Variants in UBOX5 observed in about 807,000 individuals in gnomAD.
UBOX5 encodes U-box domain containing 5.
Under a neutral mutation model 39.0 loss-of-function variants are expected in UBOX5, and 28 were observed. The observed-to-expected ratio is 0.72, with a 90% CI of 0.53 to 0.98. The LOEUF (loss-of-function observed/expected upper bound fraction) is 0.98. UBOX5 is among the 50% of genes least tolerant of loss of function. UBOX5 has a pLI of 0.00. For synonymous variants in UBOX5, 283 were observed against 275.5 expected, an observed-to-expected ratio of 1.03 and a Z score of -0.27; for missense variants, 585 against 674.4, an observed-to-expected ratio of 0.87 and a Z score of 1.47.
In UBOX5 at chr20:3,108,480, A is replaced by C. The variant is rs750061520; in HGVS notation, c.*1626T>G. 2.6e-5 allele frequency: 4 copies of C among 152,424 alleles called. No individual in the cohort carries two copies. The highest frequency in any genetic ancestry group is 9.6e-5 in the African/African-American group (4 of 41,482). The allele number at this position is 152,424 out of a possible 1,614,324, so 9.4% of individuals were successfully genotyped here. The stretch of plus-strand genomic sequence containing the variant: ...GATTCTGGAGAGGCACAGACCCAGA[A>C]AGCCAGGGGCACACAGGAGCCTCGC... On this transcript the variant is annotated 3_prime_UTR_variant, in exon 5 of 5. Transcript: ENST00000217173.
At position 3,139,529 on chromosome 20, in the gene UBOX5, AC is replaced by A. The variant is rs540423823; in HGVS notation, c.-41-16124del. Among the ~76,000 whole-genome samples, 247 of 151,652 alleles carry A rather than the reference AC, an allele frequency of 1.6e-3. 1 individual carries two copies. Among genetic ancestry groups the A allele is most frequent in the Non-Finnish European group, 2.9e-3 (199 of 67,918 alleles). On this transcript the variant is annotated intron_variant, in intron 1 of 4. Transcript: ENST00000217173. ...CTCAGCCTCCTGAGTAGCTGGGATT[AC>A]AGGCACCCACCACCACACCCAACTA...
chr20:3,158,557 T>C (rs1346424949), intron 1 of UBOX5, among the ~76,000 whole-genome samples: 1 of 152,136 alleles, frequency 6.6e-6, no homozygotes, highest in Non-Finnish European at 1.5e-5. Flanking sequence ...CACTGCACAC[T>C]CCGCCTCCCG....
chr20:3,109,945 G>A lies in UBOX5; in HGVS notation c.*161C>T. 1 of 795,730 alleles carries A rather than the reference G, an allele frequency of 1.3e-6. No homozygotes were observed. Among genetic ancestry groups the A allele is most frequent in the Non-Finnish European group, 2.0e-6 (1 of 505,616 alleles). 49.3% of individuals were successfully genotyped at this position (795,730 alleles called of 1,614,324 possible). On this transcript the variant is annotated 3_prime_UTR_variant, in exon 5 of 5. Coordinates refer to ENST00000217173, the MANE Select transcript of UBOX5 (RefSeq NM_014948.4). ...TTGTTGCCCTATTGCCACCAGCGCA[G>A]AAGCAATGTGCTATACCGTGAGGTG...
At chr20:3,152,234 A>C (rs2066636148) in intron 1 of UBOX5, among the ~76,000 whole-genome samples, 1 of 151,774 alleles carries the variant, frequency 6.6e-6, no homozygotes, top group Non-Finnish European at 1.5e-5. Flanking sequence ...TAATCCCAGC[A>C]CTTTGGGAGG....
intron 1 of UBOX5, among the ~76,000 whole-genome samples, chr20:3,131,208 AAC>A (rs1012907161): frequency 7.9e-5 from 12 of 152,026 alleles, no homozygotes; most frequent in African/African-American, 2.9e-4. Context: ...CAGCCTGGGC[AAC>A]AGAGTGAGAC....
rs534353570 is a variant in UBOX5 at position 3,140,125 on chromosome 20, G to A, written c.-41-16719C>T. 2.2e-3 allele frequency among the ~76,000 whole-genome samples: 316 copies of A among 145,658 alleles called. 2 individuals carry two copies. Among genetic ancestry groups the A allele is most frequent in the African/African-American group, 7.7e-3 (304 of 39,656 alleles). On this transcript the variant is annotated intron_variant, in intron 1 of 4. Coordinates refer to ENST00000217173, the MANE Select transcript of UBOX5 (RefSeq NM_014948.4). ...CAACCTCCACCTCCTGGGCTCAAGC[G>A]ATTGTCCTGTCTCAGCCTCCTGAGT...
intron 1 of UBOX5, among the ~76,000 whole-genome samples, chr20:3,133,417 T>C (rs989557881): frequency 1.3e-5 from 2 of 152,234 alleles, no homozygotes; most frequent in African/African-American, 4.8e-5. Flanking sequence ...TTTCTCCAGA[T>C]GTGGCATCTA....
At chr20:3,148,453 C>G (rs1376623782) in intron 1 of UBOX5, 1 of 1,614,130 alleles carries the variant, frequency 6.2e-7, no homozygotes, top group South Asian at 1.1e-5. Context: ...AAACATTGAT[C>G]AGATCTTGGG....
rs367618976 is a variant in UBOX5, at chr20:3,159,851, T to A, written c.-127A>T. 1.3e-5 allele frequency: 2 copies of A among 152,236 alleles called. No homozygotes were observed. The highest frequency in any genetic ancestry group is 3.9e-4 in the East Asian group (2 of 5,184). The allele number at this position is 152,236 out of a possible 1,614,324, so 9.4% of individuals were successfully genotyped here. A position where few individuals can be genotyped will look rare whatever the true frequency, so the allele number is the denominator to read the frequency against. The stretch of plus-strand genomic sequence containing the variant: ...CACAGATACTGGCTCCTCCGGCGAC[T>A]CCGAGCCTCACAGCCCCACTTCCGG... On this transcript the variant is annotated 5_prime_UTR_variant, in exon 1 of 5. Transcript: ENST00000217173.
At chr20:3,142,614 A>AG (rs1200759935) in intron 1 of UBOX5, among the ~76,000 whole-genome samples, 1 of 150,534 alleles carries the variant, frequency 6.6e-6, no homozygotes, top group East Asian at 2.0e-4. Flanking sequence ...AAAAAAAAAA[A>AG]AAAAAAAAAG....
intron 1 of UBOX5, among the ~76,000 whole-genome samples, chr20:3,146,175 T>C (rs936025931): frequency 6.6e-6 from 1 of 151,976 alleles, no homozygotes; most frequent in Non-Finnish European, 1.5e-5. Flanking sequence ...ACCCCGTTTC[T>C]GCTAAAAAGA....
At chr20:3,117,034 T>G (rs1485488493) in intron 3 of UBOX5, among the ~76,000 whole-genome samples, 2 of 151,550 alleles carry the variant, frequency 1.3e-5, no homozygotes, top group African/African-American at 4.9e-5. Flanking sequence ...AGGCAGAGGT[T>G]GCAGTGAGCC....
Position 3,149,128 on chromosome 20 carries a change from A to G in UBOX5, c.-42+10638T>C, listed in dbSNP as rs2066599478. 6.5e-7 allele frequency: 1 copy of G among 1,533,040 alleles called. No homozygotes were observed. Among genetic ancestry groups the G allele is most frequent in the Admixed American group, 2.1e-5 (1 of 47,676 alleles). The allele number at this position is 1,533,040 out of a possible 1,614,324, so 95.0% of individuals were successfully genotyped here. A position where few individuals can be genotyped will look rare whatever the true frequency, so the allele number is the denominator to read the frequency against. On this transcript the variant is annotated intron_variant, in intron 1 of 4. Coordinates refer to ENST00000217173, the MANE Select transcript of UBOX5 (RefSeq NM_014948.4). This position sits in a 1 kb window ranked among gnomAD's most constrained non-coding sequence, Gnocchi z 4.1. The stretch of plus-strand genomic sequence containing the variant: ...GAATACAGTCCTCACAGATTTGACC[A>G]GGCAATTTCTTGTTTATATGGTGCT...
At chr20:3,133,935 TG>T (rs1308766641) in intron 1 of UBOX5, among the ~76,000 whole-genome samples, 13 of 152,004 alleles carry the variant, frequency 8.6e-5, no homozygotes, top group South Asian at 2.1e-4. Context: ...GGGGGTTTTT[TG>T]GGTAGAGATG....
chr20:3,110,530 T>C (rs1193244991), intron 4 of UBOX5: 15 of 581,590 alleles, frequency 2.6e-5, no homozygotes, highest in Non-Finnish European at 4.6e-5. Flanking sequence ...CAAATCTCAG[T>C]GCCTCTACGA....
chr20:3,134,180 A>T (rs188275048), intron 1 of UBOX5, among the ~76,000 whole-genome samples: 44 of 152,232 alleles, frequency 2.9e-4, no homozygotes, highest in African/African-American at 1.1e-3. Context: ...TATGTGTATC[A>T]TCTTGCAACT....
In UBOX5 at chr20:3,123,243, A is replaced by G. The variant is rs2066352081; in HGVS notation, c.54+69T>C. ...AAGCCTGAATCAAATCCACACACAC[A>G]AGGCAGGAAATGATGAAACACATGA... On this transcript the variant is annotated intron_variant, in intron 2 of 4. Transcript: ENST00000217173. 5.3e-6 allele frequency: 8 copies of G among 1,513,734 alleles called. No individual in the cohort carries two copies. In the Admixed American group the frequency reaches 1.2e-4, roughly 22 times the overall value. The allele number at this position is 1,513,734 out of a possible 1,614,324, so 93.8% of individuals were successfully genotyped here.
intron 1 of UBOX5, among the ~76,000 whole-genome samples, chr20:3,136,502 C>T (rs1195891008): frequency 2.8e-5 from 4 of 142,426 alleles, no homozygotes; most frequent in South Asian, 2.3e-4. Context: ...TACAGGCATG[C>T]GCCATCACAC....
chr20:3,154,242 T>C (rs749100358), intron 1 of UBOX5, among the ~76,000 whole-genome samples: 4 of 152,100 alleles, frequency 2.6e-5, no homozygotes, highest in Admixed American at 1.3e-4. Flanking sequence ...CTGGACGACA[T>C]AGACAGTACC....
Sources: allele counts gnomAD v4.1 joint callset (sites outside exome capture counted in the v4.1 genomes callset), GRCh38; gene constraint gnomAD v4.1.1; non-coding constraint Gnocchi (gnomAD v3.1); transcripts MANE v1.5; gene names NCBI Gene and HGNC (gene_info 2026-07-23, HGNC 2026-07-21).